Variants in SLC47A1 observed in about 807,000 individuals in gnomAD.
The protein encoded by SLC47A1 is solute carrier family 47 member 1.
In SLC47A1, 58 loss-of-function variants were observed where a neutral mutation model predicts 65.8. The ratio of observed to expected loss-of-function variants is 0.88; its 90% CI spans 0.71 to 1.10. The LOEUF (loss-of-function observed/expected upper bound fraction) is 1.10. Ranked by LOEUF, SLC47A1 falls within the 50% of genes least tolerant of loss-of-function variation. SLC47A1 has a pLI of 0.00. For missense variants in SLC47A1, 706 were observed against 719.2 expected (o/e 0.98, Z 0.21); for synonymous variants, 285 against 295.0 (o/e 0.97, Z 0.35).
intron 1 of SLC47A1, among the ~76,000 whole-genome samples, chr17:19,540,878 C>CACACA (rs879334096): frequency 3.3e-4 from 42 of 127,176 alleles, no homozygotes; most frequent in East Asian, 2.0e-3. Context: ...ACACACACAC[C>CACACA]CCTAGGGTTA....
chr17:19,555,950 G>C, intron 9 of SLC47A1, 41 bp downstream of exon 9: 2 of 1,614,056 alleles, frequency 1.2e-6, no homozygotes, highest in Non-Finnish European at 1.7e-6. Context: ...TGGGAACCTG[G>C]GGGCCCTGTC....
chr17:19,571,407 G>C (rs1222989763), intron 14 of SLC47A1, 71 bp from the exon 15 acceptor site: 1 of 1,358,406 alleles, frequency 7.4e-7, no homozygotes, highest in Admixed American at 1.9e-5. Context: ...AAGTGATATA[G>C]GCAAAACATA....
rs1384088037 is a variant in SLC47A1 at position 19,578,627 on chromosome 17, T to C, written c.*1074T>C. On this transcript the variant is annotated 3_prime_UTR_variant, in exon 17 of 17. Transcript: ENST00000270570. ...CTAAGTATGCTCAGTGCTGTGAAAG[T>C]GGATTACACCAAATTAAGTCATTCT... 1 of 152,336 alleles carries C rather than the reference T, an allele frequency of 6.6e-6. No homozygotes were observed. The highest frequency in any genetic ancestry group is 2.4e-5 in the African/African-American group (1 of 41,468). 9.4% of individuals were successfully genotyped at this position (152,336 alleles called of 1,614,324 possible).
intron 16 of SLC47A1, 110 bp from the exon 17 acceptor site, chr17:19,577,217 C>T (rs1423898987): frequency 4.9e-6 from 7 of 1,420,506 alleles, no homozygotes; most frequent in Non-Finnish European, 6.6e-6. Context: ...CAATAGTGTC[C>T]TGAATTAACT....
intron 14 of SLC47A1, 101 bp downstream of exon 14, chr17:19,567,329 G>A: frequency 3.9e-6 from 6 of 1,528,154 alleles, no homozygotes; most frequent in Non-Finnish European, 4.5e-6. Context: ...TCTGAAACTC[G>A]GGAGCTCGCC....
chr17:19,571,966 C>T (rs1248728412), intron 15 of SLC47A1, among the ~76,000 whole-genome samples: 3 of 152,020 alleles, frequency 2.0e-5, no homozygotes, highest in Non-Finnish European at 4.4e-5. Flanking sequence ...TTTCTAGGGT[C>T]AGTGTGAGGT....
chr17:19,541,673 C>T (rs1048148227), intron 1 of SLC47A1, among the ~76,000 whole-genome samples: 4 of 152,192 alleles, frequency 2.6e-5, no homozygotes, highest in African/African-American at 9.6e-5. Flanking sequence ...CTCCTGTCTA[C>T]AGACTTCCTT....
At chr17:19,559,689 G>A (rs866017600) in intron 10 of SLC47A1, among the ~76,000 whole-genome samples, 13 of 152,124 alleles carry the variant, frequency 8.5e-5, no homozygotes, top group African/African-American at 2.4e-4. Context: ...GCACCACCAC[G>A]CCCAGCTAAG....
At chr17:19,571,455 C>G (rs1345498597) in intron 14 of SLC47A1, 23 bp from the exon 15 acceptor site, 1 of 1,601,612 alleles carries the variant, frequency 6.2e-7, no homozygotes, top group Non-Finnish European at 8.5e-7. Context: ...GAATTAACCT[C>G]TATTAAATAT....
intron 14 of SLC47A1, chr17:19,570,777 TCTCTTGGTTATTGTTGGAG>T (rs1357540878): frequency 6.6e-6 from 1 of 152,312 alleles, no homozygotes; most frequent in Non-Finnish European, 1.5e-5. Context: ...CAGGACTTTG[TCTCTTGGTTATTGTTGGAG>T]CTTTTGGTTC....
chr17:19,537,128 A>C (rs1916008068), intron 1 of SLC47A1, among the ~76,000 whole-genome samples: 1 of 152,204 alleles, frequency 6.6e-6, no homozygotes, highest in Non-Finnish European at 1.5e-5. Flanking sequence ...AGTAACCCCA[A>C]AGATGGACCC....
rs2084453784 is a variant in SLC47A1 at position 19,577,963 on chromosome 17, C to T, written c.*410C>T. ...GGGCCTTAGATTACTATTCACTGGGCAAATGGTATTTGTTTTTGTTTTAAT... is the reference window on the plus strand; with the variant it reads ...GGGCCTTAGATTACTATTCACTGGGTAAATGGTATTTGTTTTTGTTTTAAT... On this transcript the variant is annotated 3_prime_UTR_variant, in exon 17 of 17. Transcript: ENST00000270570. The T allele has an allele frequency of 7.8e-7, 1 of 1,282,188 alleles. No homozygotes were observed. Among genetic ancestry groups the T allele is most frequent in the Non-Finnish European group, 1.0e-6 (1 of 986,916 alleles). 79.4% of individuals were successfully genotyped at this position (1,282,188 alleles called of 1,614,324 possible).
Position 19,542,390 on chromosome 17 carries a change from C to A in SLC47A1, c.136-3C>A. Reference sequence around the variant, plus strand: ...GTCCCTTCCCGTTCCCCTCTCTTCCCAGTTCTTGGTTCAGCTGATGGTGTT... The same window carrying A: ...GTCCCTTCCCGTTCCCCTCTCTTCCAAGTTCTTGGTTCAGCTGATGGTGTT... On this transcript the variant is annotated splice_polypyrimidine_tract_variant and splice_region_variant and intron_variant, in intron 1 of 16. Coordinates refer to ENST00000270570, the MANE Select transcript of SLC47A1 (RefSeq NM_018242.3). 6.3e-7 allele frequency: 1 copy of A among 1,598,552 alleles called. No homozygotes were observed. Among genetic ancestry groups the A allele is most frequent in the South Asian group, 1.1e-5 (1 of 88,848 alleles).
chr17:19,554,320 A>T (rs1916542067), intron 6 of SLC47A1, among the ~76,000 whole-genome samples: 1 of 152,212 alleles, frequency 6.6e-6, no homozygotes. Context: ...GAGGGTGGAC[A>T]GATGTAAAAT....
intron 14 of SLC47A1, chr17:19,571,154 T>C (rs1014841657): frequency 1.6e-5 from 3 of 191,852 alleles, no homozygotes; most frequent in East Asian, 1.2e-4. Flanking sequence ...AATTTCCTTA[T>C]AACTGGCATT....
rs766007626 is a variant in SLC47A1 at position 19,567,087 on chromosome 17, T to C, written c.1177-9T>C. On this transcript the variant is annotated splice_polypyrimidine_tract_variant and intron_variant, in intron 13 of 16. Transcript: ENST00000270570. ...GTGTTCACAGTGATGGAATGCTCTC[T>C]GCCTGCAGTGCACGAGTGGTGGTGT... 6.2e-7 allele frequency: 1 copy of C among 1,614,212 alleles called. No individual in the cohort carries two copies. Among genetic ancestry groups the C allele is most frequent in the South Asian group, 1.1e-5 (1 of 91,088 alleles).
At chr17:19,555,380 GTGGGCTCTTCAGC>G (rs1277420968) in intron 7 of SLC47A1, 71 bp downstream of exon 7, 2 of 1,522,074 alleles carry the variant, frequency 1.3e-6, no homozygotes, top group Non-Finnish European at 1.8e-6. Context: ...AGGGAGAAGA[GTGGGCTCTTCAGC>G]TGGTTCTTGT....
chr17:19,575,949 G>C (rs1348290449), intron 16 of SLC47A1, among the ~76,000 whole-genome samples: 1 of 152,164 alleles, frequency 6.6e-6, no homozygotes, highest in East Asian at 1.9e-4. Flanking sequence ...AACTTTCAGA[G>C]GGGAGAGAGG....
At position 19,577,467 on chromosome 17, in the gene SLC47A1, G is replaced by A. The variant is rs979364548; in HGVS notation, c.1627G>A (p.Val543Met). 5.0e-6 allele frequency: 8 copies of A among 1,614,198 alleles called. No homozygotes were observed. Among genetic ancestry groups the A allele is most frequent in the Middle Eastern group, 1.6e-4 (1 of 6,062 alleles). ...DGAKLSRKQL[V>M]LRRGLLLLGV... is the part of the protein sequence containing the mutation. ...CGCTAAATTGTCCAGGAAACAGCTG[G>A]TGCTGCGGCGAGGGCTTCTGCTCCT... is the stretch of plus-strand genomic sequence containing the variant. The change falls in exon 17 of 17, where the codon GTG becomes ATG. Residue 543 changes from valine (V) to methionine (M), a missense_variant. Transcript: ENST00000270570.
Sources: allele counts gnomAD v4.1 joint callset (sites outside exome capture counted in the v4.1 genomes callset), GRCh38; gene constraint gnomAD v4.1.1; transcripts MANE v1.5; gene names NCBI Gene and HGNC (gene_info 2026-07-23, HGNC 2026-07-21).